DENND2A: variants seen among roughly 807,000 people sequenced by gnomAD.
DENND2A encodes the protein DENN domain containing 2A, also known as DENN domain-containing protein 2A.
DENND2A carries 53 observed loss-of-function variants against 105.3 expected under a neutral mutation model. The observed-to-expected ratio is 0.50, with a 90% confidence interval of 0.40 to 0.63. The LOEUF (loss-of-function observed/expected upper bound fraction) is 0.63, where lower values mean the gene tolerates loss of function less well. Among genes scored for constraint, DENND2A ranks in the 30% least tolerant of loss-of-function variants. The pLI is 0.00. For missense variants in DENND2A, 1,138 were observed against 1,279.6 expected, an observed-to-expected ratio of 0.89 and a Z score of 1.69; for synonymous variants, 522 against 508.4, an observed-to-expected ratio of 1.03 and a Z score of -0.36.
In DENND2A at chr7:140,559,510, A is replaced by C. The variant is rs1424719084; in HGVS notation, c.1889+198T>G. Among the ~76,000 whole-genome samples the C allele has an allele frequency of 1.3e-5, 2 of 152,140 alleles. No homozygotes were observed. The highest frequency in any genetic ancestry group is 1.5e-5 in the Non-Finnish European group (1 of 68,030). On this transcript the variant is annotated intron_variant, in intron 10 of 19. Coordinates refer to ENST00000496613, the MANE Select transcript of DENND2A (RefSeq NM_015689.5). The surrounding 1 kb of genome is among the most constrained non-coding windows in gnomAD (Gnocchi z 4.1). Reference sequence around the variant, plus strand: ...ACAAGTATCCCCAGATTGAGTGGGAAGCCCGGGAGGTCTGCATGCTGGGCA... The same window carrying C: ...ACAAGTATCCCCAGATTGAGTGGGACGCCCGGGAGGTCTGCATGCTGGGCA...
intron 13 of DENND2A, among the ~76,000 whole-genome samples, chr7:140,546,155 C>T (rs2130527384): frequency 6.6e-6 from 1 of 152,054 alleles, no homozygotes; most frequent in Non-Finnish European, 1.5e-5. Context: ...CGCGGTGGCT[C>T]ACGCCTGTAA....
intron 5 of DENND2A, among the ~76,000 whole-genome samples, chr7:140,579,772 T>C (rs552696117): frequency 6.6e-6 from 1 of 151,618 alleles, no homozygotes; most frequent in African/African-American, 2.4e-5. Flanking sequence ...TAGCAGTGAG[T>C]GTTGGGGTTA....
At position 140,518,451 on chromosome 7, in the gene DENND2A, A is replaced by C; in HGVS notation, c.*256T>G. ...TCTTACTTTTAATATCTAAGATAAA[A>C]AAAAAAACCCAACCACCAAAACAAC... On this transcript the variant is annotated 3_prime_UTR_variant, in exon 20 of 20. Transcript: ENST00000496613. 1 of 427,796 alleles carries C rather than the reference A, an allele frequency of 2.3e-6. No homozygotes were observed. The highest frequency in any genetic ancestry group is 4.1e-6 in the Non-Finnish European group (1 of 242,000). 26.5% of individuals were successfully genotyped at this position (427,796 alleles called of 1,614,324 possible). A position where few individuals can be genotyped will look rare whatever the true frequency, so the allele number is the denominator to read the frequency against.
chr7:140,640,163 A>ACG lies in DENND2A; in HGVS notation c.-248+340_-248+341insCG, dbSNP rs1305234060. The stretch of plus-strand genomic sequence containing the variant: ...CAGACACACAAGCGCGCACACACAC[A>ACG]CACGCGCGCGCGCGGACACACACAC... On this transcript the variant is annotated intron_variant, in intron 1 of 19. Coordinates refer to ENST00000496613, the MANE Select transcript of DENND2A (RefSeq NM_015689.5). The surrounding 1 kb of genome is among the most constrained non-coding windows in gnomAD (Gnocchi z 4.9). 1 of 149,886 alleles carries ACG rather than the reference A, an allele frequency of 6.7e-6. No homozygotes were observed. Among genetic ancestry groups the ACG allele is most frequent in the African/African-American group, 2.6e-5 (1 of 39,062 alleles). 9.3% of individuals were successfully genotyped at this position (149,886 alleles called of 1,614,324 possible). A position where few individuals can be genotyped will look rare whatever the true frequency, so the allele number is the denominator to read the frequency against.
rs368852499 is a variant in DENND2A, at chr7:140,545,072, C to T, written c.2179-306G>A. ...AATGGTTTCCGGCCCCACATGGTTG[C>T]GGGGCTCTCTCTGGCAACAGCATAT... On this transcript the variant is annotated intron_variant, in intron 13 of 19. Coordinates refer to ENST00000496613, the MANE Select transcript of DENND2A (RefSeq NM_015689.5). Among the ~76,000 whole-genome samples the T allele has an allele frequency of 7.8e-4, 118 of 152,188 alleles. 4 individuals carry two copies. In the South Asian group the frequency reaches 0.022, roughly 28 times the overall value.
At chr7:140,620,110 C>T (rs1032407526) in intron 1 of DENND2A, among the ~76,000 whole-genome samples, 6 of 151,722 alleles carry the variant, frequency 4.0e-5, no homozygotes, top group African/African-American at 1.5e-4. Context: ...GCAGGAGAAT[C>T]GCTTGAACCC....
chr7:140,535,225 C>T (rs1213740222), intron 14 of DENND2A, among the ~76,000 whole-genome samples: 3 of 152,144 alleles, frequency 2.0e-5, no homozygotes, highest in African/African-American at 7.2e-5. Flanking sequence ...TCAGTGAATG[C>T]CCTTTAGTAT....
Position 140,546,677 on chromosome 7 carries a change from G to A in DENND2A, c.2178+122C>T. ...TGATGAGTGATCTGGGCCAGCTCTA[G>A]GGGTGGGGAGAAGACACCAAGGAAT... On this transcript the variant is annotated intron_variant, in intron 13 of 19. Coordinates refer to ENST00000496613, the MANE Select transcript of DENND2A (RefSeq NM_015689.5). 3 of 1,277,902 alleles carry A rather than the reference G, an allele frequency of 2.3e-6. No individual in the cohort carries two copies. The South Asian group carries it at 4.4e-5, about 19-fold the overall frequency. 79.2% of individuals were successfully genotyped at this position (1,277,902 alleles called of 1,614,324 possible).
chr7:140,585,519 G>T, intron 5 of DENND2A, 70 bp downstream of exon 5: 2 of 1,598,592 alleles, frequency 1.3e-6, no homozygotes, highest in South Asian at 1.1e-5. Flanking sequence ...GTGCTGGCCG[G>T]AACTCCAGAG....
At chr7:140,567,340 G>GAGAC in intron 8 of DENND2A, 67 bp from the exon 9 acceptor site, 2 of 1,280,014 alleles carry the variant, frequency 1.6e-6, no homozygotes, top group Non-Finnish European at 2.1e-6. Flanking sequence ...GAGAGAGAGA[G>GAGAC]AGAGACAGAG....
intron 1 of DENND2A, among the ~76,000 whole-genome samples, chr7:140,634,989 G>T (rs1258892147): frequency 1.3e-5 from 2 of 151,946 alleles, no homozygotes; most frequent in Non-Finnish European, 2.9e-5. Context: ...TTGGCCAAGT[G>T]CAGTGGCTCA....
intron 1 of DENND2A, among the ~76,000 whole-genome samples, chr7:140,617,624 G>A (rs534419496): frequency 7.6e-4 from 115 of 152,270 alleles, no homozygotes; most frequent in Middle Eastern, 3.4e-3. Flanking sequence ...TGAGGGAGGA[G>A]AATCGCTTGA....
At chr7:140,543,292 T>C (rs1393029650) in intron 14 of DENND2A, among the ~76,000 whole-genome samples, 4 of 150,780 alleles carry the variant, frequency 2.7e-5, no homozygotes, top group Admixed American at 2.6e-4. Flanking sequence ...CTAATTTTTT[T>C]TTTTTTTTTT....
chr7:140,555,554 C>T, intron 12 of DENND2A, 82 bp downstream of exon 12: 1 of 1,225,182 alleles, frequency 8.2e-7, no homozygotes. Flanking sequence ...ATAGAAGGCC[C>T]AGGACATGGG....
In DENND2A at chr7:140,521,928, C is replaced by T. The variant is rs2130451234; in HGVS notation, c.2838G>A (p.Leu946=). The part of the protein sequence containing the change: ...AVSSKSLRHF[L]EVFMETQMFR... Reference sequence around the variant, plus strand: ...ACATCTGAGTCTCCATGAAGACCTCCAGGAAGTGGCGGAGGCTCTTGGAGG... The same window carrying T: ...ACATCTGAGTCTCCATGAAGACCTCTAGGAAGTGGCGGAGGCTCTTGGAGG... Residue 946 remains leucine, a synonymous_variant, in exon 18 of 20, where the codon CTG becomes CTA. Transcript: ENST00000496613. 1 of 1,614,204 alleles carries T rather than the reference C, an allele frequency of 6.2e-7. No homozygotes were observed. Among genetic ancestry groups the T allele is most frequent in the Non-Finnish European group, 8.5e-7 (1 of 1,180,046 alleles).
intron 1 of DENND2A, among the ~76,000 whole-genome samples, chr7:140,628,042 G>A (rs1460411886): frequency 2.0e-5 from 3 of 152,014 alleles, no homozygotes; most frequent in Admixed American, 6.5e-5. Context: ...TGACAGCTTC[G>A]GCCTCCCAAA....
chr7:140,585,641 A>G lies in DENND2A; in HGVS notation c.1193T>C (p.Val398Ala), dbSNP rs375591057. 1.9e-6 allele frequency: 3 copies of G among 1,613,976 alleles called. No homozygotes were observed. Among genetic ancestry groups the G allele is most frequent in the South Asian group, 1.1e-5 (1 of 91,078 alleles). Residue 398 changes from valine to alanine, a missense_variant, in exon 5 of 20, where the codon GTC becomes GCC. By Grantham distance (64) the Val-to-Ala change is moderately conservative. Around this residue, in one of 2 missense-constraint regions of DENND2A, gnomAD observed 511 missense variants for 499.9 expected, o/e 1.02. Transcript: ENST00000496613. ...GGTGGGAGAAGCAGGAAAATTCAAG[A>G]CACACTTCTTTCCCAGGCAGCGACC... ...LHGRCLGKKC[V>A]LNFPASPTSS...
intron 12 of DENND2A, among the ~76,000 whole-genome samples, chr7:140,552,875 G>A (rs1797195406): frequency 6.6e-6 from 1 of 152,008 alleles, no homozygotes; most frequent in South Asian, 2.1e-4. Context: ...AGAAGTACAA[G>A]TTCTACCATG....
At chr7:140,609,758 T>A (rs1466230124) in intron 1 of DENND2A, 1 of 152,212 alleles carries the variant, frequency 6.6e-6, no homozygotes, top group Non-Finnish European at 1.5e-5. Flanking sequence ...CTGAAGTGAA[T>A]ACTGTAAAAT....
Sources: gnomAD v4.1 joint callset for allele counts (sites outside exome capture counted in the v4.1 genomes callset) on GRCh38, gnomAD v4.1.1 for gene constraint, gnomAD v4.1.1 regional missense constraint, Gnocchi (gnomAD v3.1) non-coding constraint, MANE v1.5 for transcripts, NCBI Gene and HGNC (gene_info 2026-07-23, HGNC 2026-07-21) for gene names.